GALNT18: variants seen among roughly 807,000 people sequenced by gnomAD.
GALNT18 encodes the protein GalNAc-transferase 18.
A neutral mutation model predicts 69.5 loss-of-function variants in GALNT18; 44 were observed. The observed-to-expected ratio is 0.63, with a 90% CI of 0.50 to 0.81. The LOEUF is 0.81. GALNT18 is among the 40% of genes least tolerant of loss of function. GALNT18 has a pLI of 0.00. For synonymous variants in GALNT18, 364 were observed against 318.2 expected (o/e 1.14, Z -1.53); for missense variants, 715 against 810.0 (o/e 0.88, Z 1.42).
At position 11,377,418 on chromosome 11, in the gene GALNT18, C is replaced by G. The variant is rs751918242; in HGVS notation, c.780-39G>C. On this transcript the variant is annotated intron_variant, in intron 4 of 10. Coordinates refer to ENST00000227756, the MANE Select transcript of GALNT18 (RefSeq NM_198516.3). The surrounding 1 kb of genome is among the most constrained non-coding windows in gnomAD (Gnocchi z 4.6). The stretch of plus-strand genomic sequence containing the variant: ...AGACAGCCAGAGAGGGTAACCATTT[C>G]CAAGGTGGAAAAATCCAGAGTAGCA... The G allele has an allele frequency of 6.3e-7, 1 of 1,596,986 alleles. No homozygotes were observed. The highest frequency in any genetic ancestry group is 8.6e-7 in the Non-Finnish European group (1 of 1,166,018).
At chr11:11,388,261 T>C (rs4910329) in intron 3 of GALNT18, among the ~76,000 whole-genome samples, 13,113 of 152,180 alleles carry the variant, frequency 0.086, 791 homozygotes, top group Admixed American at 0.16. Flanking sequence ...ATGCACCCCA[T>C]ACTTAGCGGG....
At chr11:11,362,507 C>T (rs900004829) in intron 6 of GALNT18, among the ~76,000 whole-genome samples, 1 of 151,916 alleles carries the variant, frequency 6.6e-6, no homozygotes, top group African/African-American at 2.4e-5. Context: ...GACTAACAAC[C>T]CTATAGGAAA....
chr11:11,552,553 G>A (rs1216225132), intron 1 of GALNT18, among the ~76,000 whole-genome samples: 2 of 151,024 alleles, frequency 1.3e-5, no homozygotes, highest in Non-Finnish European at 3.0e-5. Flanking sequence ...CTTCCTAATG[G>A]CCATGAAACC....
rs1369214050 is a variant in GALNT18, at chr11:11,573,880, ATCT to A, written c.235+47476_235+47478del. 6.6e-6 allele frequency: 1 copy of A among 152,208 alleles called. No individual in the cohort carries two copies. The highest frequency in any genetic ancestry group is 1.9e-4 in the East Asian group (1 of 5,180). 9.4% of individuals were successfully genotyped at this position (152,208 alleles called of 1,614,324 possible). On this transcript the variant is annotated intron_variant, in intron 1 of 10. Transcript: ENST00000227756. This position sits in a 1 kb window ranked among gnomAD's most constrained non-coding sequence, Gnocchi z 4.6. ...ACTGTGCTGGGGCTTTCTGTGCACC[ATCT>A]TCATTTGGTGCATTTTGAGGGGTCA...
intron 3 of GALNT18, among the ~76,000 whole-genome samples, chr11:11,429,715 CTA>C: frequency 6.6e-6 from 1 of 152,358 alleles, no homozygotes; most frequent in African/African-American, 2.4e-5. Context: ...GTTCCAGAAT[CTA>C]TGACTTCAGG....
At chr11:11,539,819 G>A (rs1857869798) in intron 1 of GALNT18, among the ~76,000 whole-genome samples, 1 of 152,206 alleles carries the variant, frequency 6.6e-6, no homozygotes, top group Non-Finnish European at 1.5e-5. Flanking sequence ...GTACCAAAGT[G>A]TTGGAAACTG....
intron 3 of GALNT18, among the ~76,000 whole-genome samples, chr11:11,401,556 C>G (rs1854467757): frequency 6.6e-6 from 1 of 152,228 alleles, no homozygotes; most frequent in African/African-American, 2.4e-5. Context: ...ACATCCTGAG[C>G]ATACACTCAT....
chr11:11,384,587 A>C (rs1166942183), intron 3 of GALNT18, among the ~76,000 whole-genome samples: 2 of 152,170 alleles, frequency 1.3e-5, no homozygotes, highest in African/African-American at 4.8e-5. Context: ...CAGGGGAAAT[A>C]CTCAAACCAC....
intron 5 of GALNT18, among the ~76,000 whole-genome samples, chr11:11,376,227 C>CA (rs1455085899): frequency 6.6e-6 from 1 of 152,040 alleles, no homozygotes; most frequent in Non-Finnish European, 1.5e-5. Flanking sequence ...GTAAAAAATA[C>CA]AAAAATCAGC....
chr11:11,566,311 G>A (rs1858651317), intron 1 of GALNT18, among the ~76,000 whole-genome samples: 2 of 152,176 alleles, frequency 1.3e-5, no homozygotes, highest in African/African-American at 4.8e-5. Context: ...CAATGAGTGG[G>A]ACTGTGCTCC....
chr11:11,569,248 A>G (rs1020372449), intron 1 of GALNT18, among the ~76,000 whole-genome samples: 4 of 36,744 alleles, frequency 1.1e-4, no homozygotes, highest in South Asian at 1.9e-3. Context: ...GGCTGAAGGG[A>G]AAAAAAAAAA....
intron 1 of GALNT18, among the ~76,000 whole-genome samples, chr11:11,524,847 G>A (rs895330056): frequency 1.3e-5 from 2 of 152,204 alleles, no homozygotes; most frequent in African/African-American, 4.8e-5. Context: ...CTGCCTTCAC[G>A]ACATTTGTCT....
chr11:11,290,651 G>A (rs1849280470), intron 10 of GALNT18, among the ~76,000 whole-genome samples: 1 of 152,158 alleles, frequency 6.6e-6, no homozygotes. Context: ...CAGGCTCCCA[G>A]GTTCTTAACA....
intron 1 of GALNT18, among the ~76,000 whole-genome samples, chr11:11,547,757 T>C (rs932043176): frequency 3.3e-5 from 5 of 152,196 alleles, no homozygotes; most frequent in Non-Finnish European, 5.9e-5. Context: ...AATATTAACA[T>C]AGATCTGATC....
intron 1 of GALNT18, among the ~76,000 whole-genome samples, chr11:11,512,883 C>T (rs1857191924): frequency 2.0e-5 from 3 of 152,238 alleles, no homozygotes; most frequent in Admixed American, 2.0e-4. Context: ...TAACTCCTCT[C>T]ATCACTCAGG....
intron 1 of GALNT18, among the ~76,000 whole-genome samples, chr11:11,585,647 C>T (rs1203628888): frequency 6.6e-6 from 1 of 152,092 alleles, no homozygotes; most frequent in African/African-American, 2.4e-5. Flanking sequence ...TGAGCCACCG[C>T]GCCCGGCCGA....
At chr11:11,411,961 C>T (rs372666462) in intron 3 of GALNT18, among the ~76,000 whole-genome samples, 175 of 152,258 alleles carry the variant, frequency 1.1e-3, no homozygotes, top group African/African-American at 4.0e-3. Context: ...ACCTCATATC[C>T]CGGGCATTTT....
chr11:11,307,890 G>A (rs1167162970), intron 9 of GALNT18, among the ~76,000 whole-genome samples: 1 of 152,216 alleles, frequency 6.6e-6, no homozygotes, highest in Non-Finnish European at 1.5e-5. Context: ...AATGTGATGG[G>A]AACGAAGTTC....
rs1229557976 is a variant in GALNT18, at chr11:11,564,459, G to A, written c.235+56900C>T. Among the ~76,000 whole-genome samples the A allele has an allele frequency of 6.6e-6, 1 of 152,114 alleles. No homozygotes were observed. Among genetic ancestry groups the A allele is most frequent in the Non-Finnish European group, 1.5e-5 (1 of 68,022 alleles). ...TAGCTCCATCACATGAGACCCCCCT[G>A]GGTCTTCTCATCCATGCCTCCCTTC... On this transcript the variant is annotated intron_variant, in intron 1 of 10. Coordinates refer to ENST00000227756, the MANE Select transcript of GALNT18 (RefSeq NM_198516.3). The surrounding 1 kb of genome is among the most constrained non-coding windows in gnomAD (Gnocchi z 4.3).
Sources: allele counts gnomAD v4.1 joint callset (sites outside exome capture counted in the v4.1 genomes callset), GRCh38; gene constraint gnomAD v4.1.1; non-coding constraint Gnocchi (gnomAD v3.1); transcripts MANE v1.5; gene names NCBI Gene and HGNC (gene_info 2026-07-23, HGNC 2026-07-21).